Variants in METTL15 observed in about 807,000 individuals in gnomAD.
METTL15 encodes the protein 12S rRNA N(4)-cytidine methyltransferase METTL15.
In METTL15, 34 loss-of-function variants were observed where a neutral mutation model predicts 38.3. The observed-to-expected ratio is 0.89, with a 90% confidence interval of 0.68 to 1.18. The LOEUF (loss-of-function observed/expected upper bound fraction) is 1.18, where lower values mean the gene tolerates loss of function less well. Among genes scored for constraint, METTL15 ranks in the 50% most tolerant of loss-of-function variants. METTL15 has a pLI of 0.00. For synonymous variants in METTL15, 162 were observed against 170.9 expected (o/e 0.95, Z 0.41); for missense variants, 438 against 498.4 (o/e 0.88, Z 1.15).
At chr11:28,457,161 C>G (rs944968287) in intron 6 of METTL15, among the ~76,000 whole-genome samples, 3 of 152,150 alleles carry the variant, frequency 2.0e-5, no homozygotes, top group African/African-American at 7.2e-5. Context: ...TGTAAGAAGA[C>G]TGCCTCTGGA....
intron 3 of METTL15, among the ~76,000 whole-genome samples, chr11:28,152,419 G>C (rs890192215): frequency 1.1e-3 from 164 of 151,956 alleles, no homozygotes; most frequent in African/African-American, 2.2e-3. Flanking sequence ...TTTGTTGAAA[G>C]GAATTTGTTT....
At position 28,123,920 on chromosome 11, in the gene METTL15, G is replaced by A. The variant is rs114954914; in HGVS notation, c.270+10316G>A. On this transcript the variant is annotated intron_variant, in intron 3 of 6. Coordinates refer to ENST00000407364, the MANE Select transcript of METTL15 (RefSeq NM_001113528.2). ...CATAAAGATGGAGAATTTCCCACTT[G>A]AGGCGAGTATACACTGGGAAGAAGA... 29 of 1,420,102 alleles carry A rather than the reference G, an allele frequency of 2.0e-5. No homozygotes were observed. In the African/African-American group the frequency reaches 3.3e-4, roughly 16 times the overall value. 88.0% of individuals were successfully genotyped at this position (1,420,102 alleles called of 1,614,324 possible). A position where few individuals can be genotyped will look rare whatever the true frequency, so the allele number is the denominator to read the frequency against.
In METTL15 at chr11:28,254,895, G is replaced by A. The variant is rs1854909298; in HGVS notation, c.408-35311G>A. Among the ~76,000 whole-genome samples, 2 of 152,212 alleles carry A rather than the reference G, an allele frequency of 1.3e-5. 1 individual carries two copies. The highest frequency in any genetic ancestry group is 4.1e-4 in the South Asian group (2 of 4,826). ...TGTAGTGTAATTTGAAGTGAGGTAAGAGTGATTGCTTTAGTTTTGTTCTTT... is the reference window on the plus strand; with the variant it reads ...TGTAGTGTAATTTGAAGTGAGGTAAAAGTGATTGCTTTAGTTTTGTTCTTT... On this transcript the variant is annotated intron_variant, in intron 4 of 6. Coordinates refer to ENST00000407364, the MANE Select transcript of METTL15 (RefSeq NM_001113528.2).
intron 6 of METTL15, among the ~76,000 whole-genome samples, chr11:28,315,529 T>C (rs1857448700): frequency 6.6e-6 from 1 of 152,198 alleles, no homozygotes; most frequent in South Asian, 2.1e-4. Flanking sequence ...AGCCTGACAA[T>C]GTGATAGAAA....
At chr11:28,267,462 C>T (rs1203275348) in intron 4 of METTL15, among the ~76,000 whole-genome samples, 1 of 152,156 alleles carries the variant, frequency 6.6e-6, no homozygotes, top group Non-Finnish European at 1.5e-5. Flanking sequence ...CTACTGATCT[C>T]ACTCTTCTCT....
intron 6 of METTL15, among the ~76,000 whole-genome samples, chr11:28,453,842 C>T (rs1431046121): frequency 3.3e-5 from 5 of 152,188 alleles, no homozygotes; most frequent in Non-Finnish European, 7.3e-5. Context: ...TTAGACCACT[C>T]CTGAAAAATC....
intron 6 of METTL15, among the ~76,000 whole-genome samples, chr11:28,436,450 A>G (rs1176175051): frequency 1.3e-5 from 2 of 152,346 alleles, no homozygotes; most frequent in South Asian, 2.1e-4. Flanking sequence ...TGCCAAATGC[A>G]TCAGTGTTCC....
At chr11:28,388,254 A>G (rs750937170) in intron 5 of METTL15, among the ~76,000 whole-genome samples, 2 of 152,126 alleles carry the variant, frequency 1.3e-5, no homozygotes, top group Non-Finnish European at 2.9e-5. Context: ...TACAAGTAGA[A>G]AAAACAAGTG....
intron 3 of METTL15, among the ~76,000 whole-genome samples, chr11:28,138,342 TCCAC>T (rs1432382068): frequency 6.6e-6 from 1 of 152,212 alleles, no homozygotes; most frequent in Non-Finnish European, 1.5e-5. Flanking sequence ...AGCTTGGATA[TCCAC>T]TTTAAATTAA....
At chr11:28,217,086 C>A (rs938783724) in intron 4 of METTL15, among the ~76,000 whole-genome samples, 4 of 152,112 alleles carry the variant, frequency 2.6e-5, no homozygotes, top group Non-Finnish European at 5.9e-5. Context: ...CAGTAATGGG[C>A]TGGCTGGGTC....
intron 4 of METTL15, among the ~76,000 whole-genome samples, chr11:28,229,347 T>G (rs955764265): frequency 6.6e-6 from 1 of 151,966 alleles, no homozygotes; most frequent in Non-Finnish European, 1.5e-5. Flanking sequence ...CCTGGGACAC[T>G]GCATTCAACT....
intron 4 of METTL15, among the ~76,000 whole-genome samples, chr11:28,250,798 C>A (rs1054304387): frequency 2.6e-5 from 4 of 152,008 alleles, no homozygotes; most frequent in Non-Finnish European, 1.5e-5. Flanking sequence ...TTATCAGTGA[C>A]CTTTGACTTG....
Position 28,178,126 on chromosome 11 carries a change from G to A in METTL15, c.271-32936G>A, listed in dbSNP as rs147440125. Among the ~76,000 whole-genome samples the A allele has an allele frequency of 2.0e-3, 311 of 151,958 alleles. 2 individuals carry two copies. Among genetic ancestry groups the A allele is most frequent in the Non-Finnish European group, 3.7e-3 (251 of 67,850 alleles). ...GCATGAGTTATCATTTGCCTGCCCA[G>A]ACATTCTACTGAGAAGTTTACAGGC... On this transcript the variant is annotated intron_variant, in intron 3 of 6. Transcript: ENST00000407364.
intron 6 of METTL15, among the ~76,000 whole-genome samples, chr11:28,439,763 C>T (rs888408687): frequency 3.3e-5 from 5 of 152,020 alleles, no homozygotes; most frequent in Admixed American, 1.3e-4. Flanking sequence ...GTGGACATAC[C>T]GAGGGGAGGG....
chr11:28,454,904 C>T (rs556789331), intron 6 of METTL15, among the ~76,000 whole-genome samples: 1 of 152,192 alleles, frequency 6.6e-6, no homozygotes, highest in African/African-American at 2.4e-5. Context: ...TGGGGAGGGG[C>T]TTGGAGTGGA....
intron 6 of METTL15, among the ~76,000 whole-genome samples, chr11:28,301,551 G>A (rs1164512626): frequency 3.9e-5 from 6 of 151,986 alleles, no homozygotes; most frequent in Non-Finnish European, 7.4e-5. Context: ...TAGTTACTCC[G>A]CATTAAGAGG....
rs12277312 is a variant in METTL15 at position 28,146,253 on chromosome 11, C to A, written c.270+32649C>A. 2.3e-3 allele frequency among the ~76,000 whole-genome samples: 353 copies of A among 151,978 alleles called. 2 individuals are homozygous for A. The highest frequency in any genetic ancestry group is 8.1e-3 in the African/African-American group (336 of 41,474). ...TAAGAAGGTTGGTGAACCCTCTTTC[C>A]TTTTGATCTTGCATCCTGGCGAGTG... is the stretch of plus-strand genomic sequence containing the variant. On this transcript the variant is annotated intron_variant, in intron 3 of 6. Transcript: ENST00000407364.
chr11:28,220,099 C>T (rs1417551777), intron 4 of METTL15, among the ~76,000 whole-genome samples: 2 of 152,136 alleles, frequency 1.3e-5, no homozygotes, highest in Non-Finnish European at 2.9e-5. Context: ...GAGCTGAGTT[C>T]AATTCCTGTA....
At chr11:28,431,905 G>T (rs551783270) in intron 6 of METTL15, among the ~76,000 whole-genome samples, 2 of 151,256 alleles carry the variant, frequency 1.3e-5, no homozygotes, top group African/African-American at 4.9e-5. Flanking sequence ...GAAAGAGGCA[G>T]ACTAACAGCT....
Sources: allele counts gnomAD v4.1 joint callset (sites outside exome capture counted in the v4.1 genomes callset), GRCh38; gene constraint gnomAD v4.1.1; transcripts MANE v1.5; gene names NCBI Gene and HGNC (gene_info 2026-07-23, HGNC 2026-07-21).